LRRC4C: variants seen among roughly 807,000 people sequenced by gnomAD.
LRRC4C encodes leucine rich repeat containing 4C.
Under a neutral mutation model 33.6 loss-of-function variants are expected in LRRC4C, and 5 were observed. That is an observed-to-expected ratio of 0.15 (90% CI 0.08 to 0.31). LRRC4C has a LOEUF of 0.31. Ranked by LOEUF, LRRC4C falls within the 10% of genes least tolerant of loss-of-function variation. The probability of loss-of-function intolerance (pLI) is 1.00; values close to 1 mark genes in which losing one functional copy is unlikely to be tolerated. For missense variants in LRRC4C, 560 were observed against 796.7 expected, an observed-to-expected ratio of 0.70 and a Z score of 3.58; for synonymous variants, 329 against 302.0, an observed-to-expected ratio of 1.09 and a Z score of -0.93.
intron 4 of LRRC4C, among the ~76,000 whole-genome samples, chr11:40,275,412 G>C (rs1943030456): frequency 6.6e-6 from 1 of 152,072 alleles, no homozygotes; most frequent in South Asian, 2.1e-4. Flanking sequence ...CATTTCCCTT[G>C]GGAAACCCTG....
chr11:40,954,371 CATA>C (rs1958856500), intron 1 of LRRC4C, among the ~76,000 whole-genome samples: 1 of 151,808 alleles, frequency 6.6e-6, no homozygotes, highest in African/African-American at 2.4e-5. Context: ...CTTGGAAATT[CATA>C]ATGATTTTTG....
At chr11:40,801,027 C>A (rs919085366) in intron 2 of LRRC4C, among the ~76,000 whole-genome samples, 2 of 152,052 alleles carry the variant, frequency 1.3e-5, no homozygotes, top group African/African-American at 4.8e-5. Context: ...AATTATTCAC[C>A]CACGTTAATT....
intron 3 of LRRC4C, among the ~76,000 whole-genome samples, chr11:40,578,533 A>G (rs1387154478): frequency 6.6e-6 from 1 of 152,084 alleles, no homozygotes; most frequent in Non-Finnish European, 1.5e-5. Context: ...TCCTACACAT[A>G]TACCTGTCTC....
intron 1 of LRRC4C, among the ~76,000 whole-genome samples, chr11:41,051,435 A>G (rs1049580758): frequency 6.9e-6 from 1 of 145,874 alleles, no homozygotes; most frequent in African/African-American, 2.5e-5. Context: ...TAGTAATCAC[A>G]TGCTTTATTC....
At position 40,620,458 on chromosome 11, in the gene LRRC4C, A is replaced by C. The variant is rs75516014; in HGVS notation, c.-270+27684T>G. 9.0e-4 allele frequency among the ~76,000 whole-genome samples: 137 copies of C among 151,886 alleles called. 1 individual carries two copies. The East Asian group carries it at 0.024, about 27-fold the overall frequency. ...AGGAGGTAGACCAGAAAGCATTCGAAGACCCCAGATAGCTCCCTGAATTTC... is the reference window on the plus strand; with the variant it reads ...AGGAGGTAGACCAGAAAGCATTCGACGACCCCAGATAGCTCCCTGAATTTC... On this transcript the variant is annotated intron_variant, in intron 3 of 6. Coordinates refer to ENST00000528697, the MANE Select transcript of LRRC4C (RefSeq NM_001258419.2).
intron 1 of LRRC4C, among the ~76,000 whole-genome samples, chr11:41,168,075 G>A (rs1187191146): frequency 6.6e-6 from 1 of 152,080 alleles, no homozygotes; most frequent in Non-Finnish European, 1.5e-5. Context: ...GCTGTATCTA[G>A]CATTCATTGA....
intron 1 of LRRC4C, among the ~76,000 whole-genome samples, chr11:40,966,756 C>A (rs992108521): frequency 6.6e-6 from 1 of 151,838 alleles, no homozygotes; most frequent in Admixed American, 6.6e-5. Flanking sequence ...TTTTTTCCTA[C>A]CACAATACCC....
At chr11:41,018,337 G>T (rs542918065) in intron 1 of LRRC4C, among the ~76,000 whole-genome samples, 4 of 152,122 alleles carry the variant, frequency 2.6e-5, no homozygotes, top group African/African-American at 9.6e-5. Context: ...CTTTCTTAGA[G>T]AATTTAAATT....
At chr11:40,971,121 T>G (rs903973941) in intron 1 of LRRC4C, among the ~76,000 whole-genome samples, 6 of 152,226 alleles carry the variant, frequency 3.9e-5, no homozygotes, top group Non-Finnish European at 8.8e-5. Context: ...GAATTCAAGA[T>G]GGCTTCAGAA....
At chr11:40,163,798 A>T (rs1250212116) in intron 5 of LRRC4C, among the ~76,000 whole-genome samples, 2 of 151,938 alleles carry the variant, frequency 1.3e-5, no homozygotes, top group African/African-American at 4.8e-5. Context: ...TATGAATAGG[A>T]TTTATAACTT....
chr11:41,189,824 A>G (rs1945865324), intron 1 of LRRC4C, among the ~76,000 whole-genome samples: 1 of 152,212 alleles, frequency 6.6e-6, no homozygotes, highest in Non-Finnish European at 1.5e-5. Context: ...GCAGTGATCT[A>G]TTTCAATTCT....
intron 6 of LRRC4C, among the ~76,000 whole-genome samples, chr11:40,117,780 T>C (rs958809457): frequency 6.6e-6 from 1 of 151,968 alleles, no homozygotes; most frequent in Non-Finnish European, 1.5e-5. Flanking sequence ...CCATTATGTG[T>C]CACCTTGAGC....
At position 40,539,832 on chromosome 11, in the gene LRRC4C, T is replaced by A. The variant is rs144261886; in HGVS notation, c.-270+108310A>T. On this transcript the variant is annotated intron_variant, in intron 3 of 6. Coordinates refer to ENST00000528697, the MANE Select transcript of LRRC4C (RefSeq NM_001258419.2). ...ACTTTAAGTGAGTTTTGTGGAAAAG[T>A]AGATTCATTCAGTCTAGTGGCTATT... Among the ~76,000 whole-genome samples the A allele has an allele frequency of 9.8e-3, 1,499 of 152,300 alleles. 36 individuals carry two copies. The highest frequency in any genetic ancestry group is 0.034 in the African/African-American group (1,427 of 41,582).
At chr11:40,557,247 T>G (rs937894529) in intron 3 of LRRC4C, among the ~76,000 whole-genome samples, 1 of 151,980 alleles carries the variant, frequency 6.6e-6, no homozygotes, top group Non-Finnish European at 1.5e-5. Flanking sequence ...TGCAAAAAAG[T>G]GCAGTGGAAC....
intron 1 of LRRC4C, among the ~76,000 whole-genome samples, chr11:41,066,662 G>A (rs1775724762): frequency 6.6e-6 from 1 of 152,142 alleles, no homozygotes; most frequent in Admixed American, 6.5e-5. Flanking sequence ...GGCAGCCAGA[G>A]AGAAGGGCCA....
chr11:41,072,604 T>C lies in LRRC4C; in HGVS notation c.-495-138881A>G, dbSNP rs191580938. ...GAGACCTCCGCAGCCATGCTTCCTG[T>C]ACAGCCTGTGGAGCTGTAAGTCAAT... On this transcript the variant is annotated intron_variant, in intron 1 of 6. Coordinates refer to ENST00000528697, the MANE Select transcript of LRRC4C (RefSeq NM_001258419.2). 3.0e-3 allele frequency among the ~76,000 whole-genome samples: 450 copies of C among 152,212 alleles called. 3 individuals are homozygous for C. The highest frequency in any genetic ancestry group is 0.01 in the Middle Eastern group (3 of 294).
intron 2 of LRRC4C, among the ~76,000 whole-genome samples, chr11:40,673,720 G>A (rs1283069252): frequency 4.6e-5 from 7 of 152,082 alleles, no homozygotes; most frequent in African/African-American, 7.2e-5. Flanking sequence ...TAGTTCTAAC[G>A]GATGCCAGAC....
At chr11:41,252,636 TG>T (rs201468301) in intron 1 of LRRC4C, among the ~76,000 whole-genome samples, 1 of 151,248 alleles carries the variant, frequency 6.6e-6, no homozygotes, top group Admixed American at 6.6e-5. Flanking sequence ...CAACAAAAAA[TG>T]TCCTATTTAA....
intron 2 of LRRC4C, among the ~76,000 whole-genome samples, chr11:40,776,971 T>C (rs954071334): frequency 1.3e-5 from 2 of 152,218 alleles, no homozygotes; most frequent in Non-Finnish European, 2.9e-5. Context: ...TCTGCCTTAA[T>C]TGAATTTTTA....
Sources: allele counts gnomAD v4.1 joint callset (sites outside exome capture counted in the v4.1 genomes callset), GRCh38; gene constraint gnomAD v4.1.1; transcripts MANE v1.5; gene names NCBI Gene and HGNC (gene_info 2026-07-23, HGNC 2026-07-21).